The following ADCY7 variants were observed in gnomAD, a reference collection of about 807,000 sequenced individuals.
ADCY7 encodes adenylate cyclase 7.
A neutral mutation model predicts 120.6 loss-of-function variants in ADCY7; 72 were observed. The observed-to-expected ratio is 0.60, with a 90% CI of 0.49 to 0.73. The LOEUF (loss-of-function observed/expected upper bound fraction) is 0.73. Among genes scored for constraint, ADCY7 ranks in the 30% least tolerant of loss-of-function variants. ADCY7 has a pLI of 0.00. For synonymous variants in ADCY7, 661 were observed against 628.0 expected (o/e 1.05, Z -0.78); for missense variants, 1,227 against 1,486.0 (o/e 0.83, Z 2.87).
At chr16:50,274,915 C>A (rs1012055602) in intron 1 of ADCY7, among the ~76,000 whole-genome samples, 4 of 152,172 alleles carry the variant, frequency 2.6e-5, no homozygotes, top group African/African-American at 9.7e-5. Flanking sequence ...ACAGGGAGAG[C>A]TGGGACTGTA....
chr16:50,273,714 C>T (rs1023163357), intron 1 of ADCY7, among the ~76,000 whole-genome samples: 1 of 152,214 alleles, frequency 6.6e-6, no homozygotes, highest in African/African-American at 2.4e-5. Flanking sequence ...AGAGGCAGGT[C>T]ACCTGCCAGA....
intron 1 of ADCY7, chr16:50,246,312 G>A (rs1299867859): frequency 2.0e-5 from 3 of 151,652 alleles, no homozygotes; most frequent in African/African-American, 7.3e-5. Flanking sequence ...CAGGCGGGCG[G>A]GTGGCCCCTC....
At chr16:50,295,145 G>A (rs1395406040) in intron 7 of ADCY7, among the ~76,000 whole-genome samples, 1 of 152,120 alleles carries the variant, frequency 6.6e-6, no homozygotes, top group Non-Finnish European at 1.5e-5. Context: ...CACAGGATCT[G>A]AGGTGAATCA....
chr16:50,301,198 T>TG lies in ADCY7; in HGVS notation c.1354dup (p.Val452GlyfsTer53), dbSNP rs1371763965. 14 of 1,601,112 alleles carry TG rather than the reference T, an allele frequency of 8.7e-6. No homozygotes were observed. The highest frequency in any genetic ancestry group is 1.0e-5 in the Non-Finnish European group (12 of 1,174,024). Reference sequence around the variant, plus strand: ...AAGGAGATGAACATCCGCACCTACCTGGTCATCGACCCCCGGGTACGAGGG... The same window carrying TG: ...AAGGAGATGAACATCCGCACCTACCTGGGTCATCGACCCCCGGGTACGAGGG... On this transcript the variant is annotated frameshift_variant, in exon 10 of 26. Transcript: ENST00000673801. LOFTEE classifies it high-confidence loss of function.
At chr16:50,293,628 C>A (rs1374160351) in intron 6 of ADCY7, 126 bp downstream of exon 6, 6 of 1,219,854 alleles carry the variant, frequency 4.9e-6, no homozygotes, top group Middle Eastern at 2.8e-4. Context: ...TGGGAGAGGG[C>A]CCCATGGTTC....
chr16:50,250,547 G>A (rs2032727671), intron 1 of ADCY7, among the ~76,000 whole-genome samples: 1 of 151,788 alleles, frequency 6.6e-6, no homozygotes, highest in African/African-American at 2.4e-5. Context: ...GGGAGGTTGA[G>A]GTGGGTGGAT....
Position 50,288,069 on chromosome 16 carries a change from G to A in ADCY7, c.-111G>A, listed in dbSNP as rs983617687. 1.1e-4 allele frequency: 140 copies of A among 1,313,420 alleles called. No individual in the cohort carries two copies. Among genetic ancestry groups the A allele is most frequent in the Non-Finnish European group, 1.2e-4 (122 of 986,024 alleles). The allele number at this position is 1,313,420 out of a possible 1,614,324, so 81.4% of individuals were successfully genotyped here. On this transcript the variant is annotated 5_prime_UTR_variant, in exon 2 of 26. Coordinates refer to ENST00000673801, the MANE Select transcript of ADCY7 (RefSeq NM_001114.5). ...CTCCCCAGCCCTGCTTGCCTGCCTCGGAGAGGACAGAGGCCTAGGCCCACG... is the reference window on the plus strand; with the variant it reads ...CTCCCCAGCCCTGCTTGCCTGCCTCAGAGAGGACAGAGGCCTAGGCCCACG...
chr16:50,278,174 G>A (rs748333582), intron 1 of ADCY7, among the ~76,000 whole-genome samples: 6 of 151,806 alleles, frequency 4.0e-5, no homozygotes, highest in Non-Finnish European at 7.4e-5. Flanking sequence ...CAAGTAGCTG[G>A]GATTATAAGC....
upstream of ADCY7, among the ~76,000 whole-genome samples, chr16:50,266,145 A>G (rs2033201092): frequency 6.6e-6 from 1 of 151,990 alleles, no homozygotes; most frequent in Non-Finnish European, 1.5e-5. Flanking sequence ...TACTACATAG[A>G]TAGGGAAATT....
At chr16:50,308,457 G>A (rs1461756819) in intron 16 of ADCY7, 46 bp downstream of exon 16, 2 of 1,611,612 alleles carry the variant, frequency 1.2e-6, no homozygotes, top group South Asian at 1.1e-5. Flanking sequence ...CCCTGCCTCA[G>A]GACACCTGCC....
chr16:50,308,687 G>T lies in ADCY7; in HGVS notation c.1956G>T (p.Gly652=). The stretch of plus-strand genomic sequence containing the variant: ...CACAGAGGTGCTGCCCAGCTCGGGG[G>T]ACGCTCTGCACTATCTCTGAGAGGG... The part of the protein sequence containing the change: ...TKFSRCCPAR[G]TLCTISERVE... Residue 652 remains glycine, a synonymous_variant, in exon 17 of 26, where the codon GGG becomes GGT. Transcript: ENST00000673801. 6.2e-7 allele frequency: 1 copy of T among 1,613,330 alleles called. No individual in the cohort carries two copies. Among genetic ancestry groups the T allele is most frequent in the Non-Finnish European group, 8.5e-7 (1 of 1,179,804 alleles).
intron 22 of ADCY7, 174 bp downstream of exon 22, chr16:50,313,210 AG>A (rs1567584211): frequency 1.3e-6 from 1 of 749,052 alleles, no homozygotes; most frequent in Admixed American, 3.1e-5. Flanking sequence ...TGAGGCTAGG[AG>A]TTCGAGACCA....
At chr16:50,279,607 A>T (rs1473515202) in intron 1 of ADCY7, 1 of 152,212 alleles carries the variant, frequency 6.6e-6, no homozygotes, top group Admixed American at 6.5e-5. Context: ...AGTGCTAAGG[A>T]TTCTGCCTTC....
intron 7 of ADCY7, among the ~76,000 whole-genome samples, chr16:50,296,908 C>G (rs1006110631): frequency 6.6e-6 from 1 of 152,228 alleles, no homozygotes; most frequent in African/African-American, 2.4e-5. Flanking sequence ...GAGGGCCTGT[C>G]TAGCCTGGAA....
At chr16:50,268,998 C>T (rs1435842503) in intron 1 of ADCY7, among the ~76,000 whole-genome samples, 1 of 152,258 alleles carries the variant, frequency 6.6e-6, no homozygotes, top group African/African-American at 2.4e-5. Context: ...GACTGTGCCA[C>T]TGCACTCCAT....
intron 15 of ADCY7, 46 bp from the exon 16 acceptor site, chr16:50,308,281 G>GGGCAGAAGGCCCTA (rs766003087): frequency 1.2e-6 from 2 of 1,613,992 alleles, no homozygotes; most frequent in Non-Finnish European, 8.5e-7. Context: ...CGGTGGTCCT[G>GGGCAGAAGGCCCTA]GGCAGAAGGC....
rs1266346660 is a variant in ADCY7, at chr16:50,252,463, C to CAGGCATTGTTTGTGTGCCTGGGT, written c.-64+6303_-64+6325dup. Reference sequence around the variant, plus strand: ...GGTAGGCATTGTTTGTGTGCCTGGGCAGGCATTGTTTGTGTGCCTGGGTAG... The same window carrying CAGGCATTGTTTGTGTGCCTGGGT: ...GGTAGGCATTGTTTGTGTGCCTGGGCAGGCATTGTTTGTGTGCCTGGGTAGGCATTGTTTGTGTGCCTGGGTAG... On this transcript the variant is annotated intron_variant, in intron 1 of 4. Transcript: ENST00000564044. 9.8e-4 allele frequency among the ~76,000 whole-genome samples: 149 copies of CAGGCATTGTTTGTGTGCCTGGGT among 151,480 alleles called. 6 individuals carry two copies. The highest frequency in any genetic ancestry group is 1.7e-3 in the East Asian group (9 of 5,148).
At chr16:50,293,596 A>G in intron 6 of ADCY7, 94 bp downstream of exon 6, 2 of 1,457,440 alleles carry the variant, frequency 1.4e-6, no homozygotes, top group Non-Finnish European at 9.3e-7. Flanking sequence ...CTGGAGGCTC[A>G]GACCCCTGCC....
chr16:50,256,571 C>CGT, intron 1 of ADCY7, among the ~76,000 whole-genome samples: 1 of 152,166 alleles, frequency 6.6e-6, no homozygotes, highest in Admixed American at 6.5e-5. Context: ...GGTGTGGCAG[C>CGT]GTGCACCTGT....
Sources: gnomAD v4.1 joint callset for allele counts (sites outside exome capture counted in the v4.1 genomes callset) on GRCh38, gnomAD v4.1.1 for gene constraint, MANE v1.5 for transcripts, NCBI Gene and HGNC (gene_info 2026-07-23, HGNC 2026-07-21) for gene names.